KLHL29: variants seen among roughly 807,000 people sequenced by gnomAD.
KLHL29 encodes kelch-like protein 29.
A neutral mutation model predicts 80.4 loss-of-function variants in KLHL29; 21 were observed. The observed-to-expected ratio is 0.26, with a 90% CI of 0.19 to 0.38. The LOEUF (loss-of-function observed/expected upper bound fraction) is 0.38. Among genes scored for constraint, KLHL29 ranks in the 10% least tolerant of loss-of-function variants. The pLI, the probability that KLHL29 is intolerant of heterozygous loss-of-function variation, is 1.00. For synonymous variants in KLHL29, 511 were observed against 526.8 expected, an observed-to-expected ratio of 0.97 and a Z score of 0.41; for missense variants, 867 against 1,223.9, an observed-to-expected ratio of 0.71 and a Z score of 4.35.
chr2:23,607,472 G>T (rs938565227), intron 3 of KLHL29, among the ~76,000 whole-genome samples: 1 of 152,204 alleles, frequency 6.6e-6, no homozygotes, highest in African/African-American at 2.4e-5. Flanking sequence ...TTTTAGTCTT[G>T]AACCAAATGG....
intron 1 of KLHL29, among the ~76,000 whole-genome samples, chr2:23,451,875 G>A (rs1461237688): frequency 6.6e-6 from 1 of 152,206 alleles, no homozygotes; most frequent in African/African-American, 2.4e-5. Flanking sequence ...TCATGGTTCT[G>A]TAGGGTGTCT....
intron 1 of KLHL29, among the ~76,000 whole-genome samples, chr2:23,431,883 C>CA (rs1308645648): frequency 2.7e-5 from 3 of 111,282 alleles, no homozygotes; most frequent in Non-Finnish European, 3.3e-5. Context: ...GCCTGGGCGA[C>CA]AGAGTGAGAC....
rs986590775 is a variant in KLHL29 at position 23,693,597 on chromosome 2, A to C, written c.1542+69A>C. 8.2e-6 allele frequency: 12 copies of C among 1,463,634 alleles called. No individual in the cohort carries two copies. The African/African-American group carries it at 1.5e-4, about 19-fold the overall frequency. 90.7% of individuals were successfully genotyped at this position (1,463,634 alleles called of 1,614,324 possible). ...GTCCCCCTGCGGCAATGGGGTCTGCAGCAAGGAGGAAGGAAGTGAACCTTC... is the reference window on the plus strand; with the variant it reads ...GTCCCCCTGCGGCAATGGGGTCTGCCGCAAGGAGGAAGGAAGTGAACCTTC... On this transcript the variant is annotated intron_variant, in intron 8 of 13. Coordinates refer to ENST00000486442, the MANE Select transcript of KLHL29 (RefSeq NM_052920.2).
At chr2:23,591,842 C>A (rs997043845) in intron 3 of KLHL29, among the ~76,000 whole-genome samples, 6 of 152,240 alleles carry the variant, frequency 3.9e-5, no homozygotes, top group South Asian at 2.1e-4. Flanking sequence ...GGCAGCCCCC[C>A]TGGGAGCGGT....
intron 3 of KLHL29, among the ~76,000 whole-genome samples, chr2:23,632,260 C>T (rs1262851641): frequency 1.3e-5 from 2 of 152,238 alleles, no homozygotes; most frequent in Non-Finnish European, 2.9e-5. Flanking sequence ...TAAAAGATCC[C>T]AGACACCAAA....
rs1269643748 is a variant in KLHL29, at chr2:23,670,910, TGCACGCGC to T, written c.941-13488_941-13481del. ...GAGAAGGGAGGGGTCTCTACACACA[TGCACGCGC>T]TCTCTCTCTCTCTCTCTCTCTCTCT... On this transcript the variant is annotated intron_variant, in intron 5 of 13. Transcript: ENST00000486442. 9.5e-3 allele frequency among the ~76,000 whole-genome samples: 166 copies of T among 17,454 alleles called. 1 individual carries two copies. In the East Asian group the frequency reaches 0.12, roughly 13 times the overall value. 11.5% of individuals were successfully genotyped at this position (17,454 alleles called of 152,430 possible). A position where few individuals can be genotyped will look rare whatever the true frequency, so the allele number is the denominator to read the frequency against.
intron 8 of KLHL29, among the ~76,000 whole-genome samples, chr2:23,694,970 A>T (rs1253577965): frequency 6.6e-6 from 1 of 152,168 alleles, no homozygotes. Flanking sequence ...GATGAGCGTC[A>T]TGCCTGGCCT....
intron 2 of KLHL29, among the ~76,000 whole-genome samples, chr2:23,480,435 T>G (rs539180560): frequency 6.6e-6 from 1 of 151,958 alleles, no homozygotes; most frequent in Non-Finnish European, 1.5e-5. Flanking sequence ...TGCAGTGAGC[T>G]GAGATCGCAC....
intron 3 of KLHL29, among the ~76,000 whole-genome samples, chr2:23,566,059 C>T (rs1667582885): frequency 2.0e-5 from 3 of 152,344 alleles, no homozygotes; most frequent in South Asian, 4.1e-4. Flanking sequence ...AGCAGCTGGC[C>T]GGTGAGGTGA....
chr2:23,678,496 ATGAGT>A (rs1357793700), intron 5 of KLHL29, among the ~76,000 whole-genome samples: 2 of 152,204 alleles, frequency 1.3e-5, no homozygotes, highest in African/African-American at 4.8e-5. Context: ...TGGAGCAGAA[ATGAGT>A]TGTCCCAGAT....
At chr2:23,598,093 A>G (rs1668474840) in intron 3 of KLHL29, among the ~76,000 whole-genome samples, 1 of 152,228 alleles carries the variant, frequency 6.6e-6, no homozygotes, top group Non-Finnish European at 1.5e-5. Context: ...TGTCCTGGGT[A>G]CAAATAATAA....
At chr2:23,673,703 T>TCA (rs920231277) in intron 5 of KLHL29, among the ~76,000 whole-genome samples, 9 of 135,888 alleles carry the variant, frequency 6.6e-5, no homozygotes, top group Admixed American at 1.4e-4. Flanking sequence ...ATCCTCTCTC[T>TCA]CACACACACA....
intron 3 of KLHL29, among the ~76,000 whole-genome samples, chr2:23,579,077 T>C (rs1007411698): frequency 4.6e-5 from 7 of 152,190 alleles, no homozygotes; most frequent in Non-Finnish European, 7.3e-5. Context: ...GTTGTGGTTA[T>C]GGTTGTTTTT....
intron 2 of KLHL29, among the ~76,000 whole-genome samples, chr2:23,513,914 G>A (rs1398201616): frequency 6.6e-6 from 1 of 152,156 alleles, no homozygotes; most frequent in East Asian, 1.9e-4. Flanking sequence ...TGCTGCACTT[G>A]AGCAATTTCA....
intron 2 of KLHL29, among the ~76,000 whole-genome samples, chr2:23,511,816 G>C (rs1016753006): frequency 3.9e-5 from 6 of 152,112 alleles, no homozygotes; most frequent in African/African-American, 1.4e-4. Flanking sequence ...TCTCAGGAGG[G>C]AGGTGTGTGG....
chr2:23,558,130 A>G (rs1026939625), intron 2 of KLHL29, among the ~76,000 whole-genome samples: 1 of 152,176 alleles, frequency 6.6e-6, no homozygotes, highest in Non-Finnish European at 1.5e-5. Flanking sequence ...ACAGGAGCCC[A>G]ACTTAACTGC....
chr2:23,652,269 G>A (rs910372372), intron 5 of KLHL29, among the ~76,000 whole-genome samples: 3 of 152,190 alleles, frequency 2.0e-5, no homozygotes, highest in African/African-American at 7.2e-5. Flanking sequence ...CCATACTTGG[G>A]GTTAATTGTT....
At position 23,562,579 on chromosome 2, in the gene KLHL29, T is replaced by C; in HGVS notation, c.285+98T>C. 4 of 1,247,116 alleles carry C rather than the reference T, an allele frequency of 3.2e-6. No homozygotes were observed. Among genetic ancestry groups the C allele is most frequent in the Non-Finnish European group, 4.4e-6 (4 of 919,092 alleles). 77.3% of individuals were successfully genotyped at this position (1,247,116 alleles called of 1,614,324 possible). ...CCACAGGCTCCTGTGGGGCAGCCTG[T>C]GCTCCACGCCCCGAGTCCTCCAGAG... On this transcript the variant is annotated intron_variant, in intron 3 of 13. Coordinates refer to ENST00000486442, the MANE Select transcript of KLHL29 (RefSeq NM_052920.2). The surrounding 1 kb of genome is among the most constrained non-coding windows in gnomAD (Gnocchi z 4.5).
intron 11 of KLHL29, chr2:23,697,960 G>C (rs1392681202): frequency 6.6e-6 from 1 of 152,210 alleles, no homozygotes; most frequent in Non-Finnish European, 1.5e-5. Flanking sequence ...TCTTGCTTTT[G>C]TCGGCTATTT....
Sources: allele counts gnomAD v4.1 joint callset (sites outside exome capture counted in the v4.1 genomes callset), GRCh38; gene constraint gnomAD v4.1.1; non-coding constraint Gnocchi (gnomAD v3.1); transcripts MANE v1.5; gene names NCBI Gene and HGNC (gene_info 2026-07-23, HGNC 2026-07-21).